Variants in IL1RAPL2 observed in about 807,000 individuals in gnomAD.
IL1RAPL2 encodes the protein X-linked interleukin-1 receptor accessory protein-like 2.
In IL1RAPL2, 3 loss-of-function variants were observed where a neutral mutation model predicts 44.1. The ratio of observed to expected loss-of-function variants is 0.07; its 90% CI spans 0.03 to 0.18. The LOEUF is 0.18. Ranked by LOEUF, IL1RAPL2 falls within the 10% of genes least tolerant of loss-of-function variation. The pLI is 1.00. For missense variants in IL1RAPL2, 391 were observed against 496.4 expected (o/e 0.79, Z 2.02); for synonymous variants, 181 against 178.8 (o/e 1.01, Z -0.10).
intron 3 of IL1RAPL2, among the ~76,000 whole-genome samples, chrX:105,207,333 T>C (rs1282476321): frequency 1.8e-5 from 2 of 111,730 alleles, no homozygotes; most frequent in African/African-American, 6.5e-5. Flanking sequence ...ATAACTCCCA[T>C]GTGGTTCATC....
intron 2 of IL1RAPL2, among the ~76,000 whole-genome samples, chrX:104,910,473 CCTATCAT>C (rs1225616955): frequency 8.9e-6 from 1 of 111,840 alleles, no homozygotes; most frequent in African/African-American, 3.3e-5. Flanking sequence ...CACCCATCAA[CCTATCAT>C]CTACATTAGG....
At chrX:104,667,288 C>T (rs1281146674) in intron 2 of IL1RAPL2, among the ~76,000 whole-genome samples, 1 of 111,709 alleles carries the variant, frequency 9.0e-6, no homozygotes, top group Non-Finnish European at 1.9e-5. Flanking sequence ...TATTAATTCA[C>T]CAAACATGCA....
At chrX:105,486,510 C>T (rs2036267315) in intron 6 of IL1RAPL2, among the ~76,000 whole-genome samples, 1 of 110,703 alleles carries the variant, frequency 9.0e-6, no homozygotes, top group African/African-American at 3.3e-5. Flanking sequence ...TTTGTTAGAG[C>T]CAAATCTAGA....
At chrX:105,143,117 T>G (rs1225019448) in intron 2 of IL1RAPL2, among the ~76,000 whole-genome samples, 1 of 111,330 alleles carries the variant, frequency 9.0e-6, no homozygotes, top group Admixed American at 9.6e-5. Context: ...ACTAAAGAGC[T>G]TCTGCACAGC....
intron 4 of IL1RAPL2, among the ~76,000 whole-genome samples, chrX:105,266,767 A>G (rs941442210): frequency 1.8e-5 from 2 of 111,352 alleles, no homozygotes; most frequent in African/African-American, 6.5e-5. Context: ...CATTTTACCT[A>G]GCTATGTTTC....
chrX:105,383,347 C>T (rs545242542), intron 5 of IL1RAPL2, among the ~76,000 whole-genome samples: 39 of 111,305 alleles, frequency 3.5e-4, no homozygotes, highest in East Asian at 1.1e-3. Context: ...TGAGTGAGAA[C>T]GTACAATATT....
intron 2 of IL1RAPL2, among the ~76,000 whole-genome samples, chrX:104,813,173 G>A (rs767750163): frequency 4.4e-4 from 49 of 111,900 alleles, no homozygotes; most frequent in Non-Finnish European, 8.3e-4. Context: ...CCTTTCTGAG[G>A]AAGTGGTATT....
intron 6 of IL1RAPL2, among the ~76,000 whole-genome samples, chrX:105,538,933 A>T: frequency 9.0e-6 from 1 of 111,308 alleles, no homozygotes; most frequent in East Asian, 2.8e-4. Context: ...ACTCAATCCC[A>T]TTTACAATAT....
chrX:104,719,345 C>A (rs1339792701), intron 2 of IL1RAPL2, among the ~76,000 whole-genome samples: 1 of 111,922 alleles, frequency 8.9e-6, no homozygotes, highest in Admixed American at 9.5e-5. Flanking sequence ...AGAGCCTCAA[C>A]ATATTTCTCT....
At chrX:104,625,131 A>C (rs1929475782) in intron 1 of IL1RAPL2, among the ~76,000 whole-genome samples, 1 of 110,103 alleles carries the variant, frequency 9.1e-6, no homozygotes, top group African/African-American at 3.3e-5. Context: ...TCCCTCCCTC[A>C]CTCTTCCCAA....
chrX:105,417,114 A>G (rs1323414370), intron 5 of IL1RAPL2, among the ~76,000 whole-genome samples: 2 of 112,416 alleles, frequency 1.8e-5, no homozygotes, highest in Admixed American at 9.4e-5. Flanking sequence ...GAGAGTTCTT[A>G]AAGAAACAAA....
intron 2 of IL1RAPL2, among the ~76,000 whole-genome samples, chrX:105,090,290 C>A (rs959334546): frequency 9.0e-6 from 1 of 111,624 alleles, no homozygotes; most frequent in Non-Finnish European, 1.9e-5. Context: ...TCTGTAGAAC[C>A]CACATATATG....
At chrX:104,909,896 T>G (rs1053185572) in intron 2 of IL1RAPL2, among the ~76,000 whole-genome samples, 1 of 112,517 alleles carries the variant, frequency 8.9e-6, no homozygotes, top group African/African-American at 3.2e-5. Context: ...TCGAGCTTCC[T>G]GGCTGCTTTG....
chrX:104,915,281 CA>C (rs1406187382), intron 2 of IL1RAPL2, among the ~76,000 whole-genome samples: 2 of 110,513 alleles, frequency 1.8e-5, no homozygotes, highest in Non-Finnish European at 3.8e-5. Context: ...GATGGTATCT[CA>C]TTGTGGTTTT....
intron 2 of IL1RAPL2, among the ~76,000 whole-genome samples, chrX:104,997,483 T>C (rs777856440): frequency 4.5e-5 from 5 of 111,685 alleles, no homozygotes; most frequent in Admixed American, 3.8e-4. Context: ...AAGTAAGTGA[T>C]ATGATATTAT....
chrX:104,662,242 C>T (rs1930415243), intron 2 of IL1RAPL2, among the ~76,000 whole-genome samples: 1 of 112,077 alleles, frequency 8.9e-6, no homozygotes, highest in Non-Finnish European at 1.9e-5. Context: ...CCATGTAATG[C>T]CCATTCACAC....
At chrX:104,946,392 A>AC in intron 2 of IL1RAPL2, among the ~76,000 whole-genome samples, 1 of 92,422 alleles carries the variant, frequency 1.1e-5, no homozygotes, top group African/African-American at 3.9e-5. Flanking sequence ...AAAAAAAAAA[A>AC]AAAAAAAAAA....
At chrX:104,959,179 T>C (rs2029956828) in intron 2 of IL1RAPL2, among the ~76,000 whole-genome samples, 1 of 111,431 alleles carries the variant, frequency 9.0e-6, no homozygotes, top group Admixed American at 9.6e-5. Flanking sequence ...ACACCTTAAC[T>C]TCTCTCATGC....
intron 2 of IL1RAPL2, among the ~76,000 whole-genome samples, chrX:105,176,290 A>T (rs976144576): frequency 1.8e-5 from 2 of 111,233 alleles, no homozygotes; most frequent in Admixed American, 1.9e-4. Context: ...AGAGGGAAAA[A>T]GGTGAGGCCA....
Sources: gnomAD v4.1 joint callset for allele counts (sites outside exome capture counted in the v4.1 genomes callset) on GRCh38, gnomAD v4.1.1 for gene constraint, MANE v1.5 for transcripts, NCBI Gene and HGNC (gene_info 2026-07-23, HGNC 2026-07-21) for gene names.